HDAC8: variants seen among roughly 807,000 people sequenced by gnomAD.
HDAC8 encodes histone deacetylase-like 1.
A neutral mutation model predicts 32.2 loss-of-function variants in HDAC8; 1 was observed. That is an observed-to-expected ratio of 0.03 (90% CI 0.01 to 0.15). The LOEUF (loss-of-function observed/expected upper bound fraction) is 0.15. Among genes scored for constraint, HDAC8 ranks in the 10% least tolerant of loss-of-function variants. HDAC8 has a pLI of 1.00. For missense variants in HDAC8, 117 were observed against 300.0 expected, an observed-to-expected ratio of 0.39 and a Z score of 4.51; for synonymous variants, 108 against 113.9, an observed-to-expected ratio of 0.95 and a Z score of 0.33.
At chrX:72,386,108 C>T (rs191011459) in intron 9 of HDAC8, among the ~76,000 whole-genome samples, 1 of 112,041 alleles carries the variant, frequency 8.9e-6, no homozygotes, top group Admixed American at 9.5e-5. Flanking sequence ...CACAGAATAT[C>T]CACAGGATGA....
intron 9 of HDAC8, among the ~76,000 whole-genome samples, chrX:72,432,702 C>T (rs2147953815): frequency 9.0e-6 from 1 of 111,079 alleles, no homozygotes; most frequent in African/African-American, 3.3e-5. Context: ...TCCTTTATGG[C>T]ACTTATTACA....
chrX:72,572,297 A>G (rs1429917009), intron 1 of HDAC8, 188 bp from the exon 2 acceptor site: 2 of 441,813 alleles, frequency 4.5e-6, no homozygotes, highest in Admixed American at 9.1e-5. Context: ...TATCAAAATC[A>G]CTAAGGTGAA....
chrX:72,515,651 A>C (rs2049781803), intron 4 of HDAC8, among the ~76,000 whole-genome samples: 1 of 110,108 alleles, frequency 9.1e-6, no homozygotes. Context: ...CAACCAAATA[A>C]GAAAACAGCC....
At chrX:72,469,910 A>C (rs2048118879) in intron 7 of HDAC8, among the ~76,000 whole-genome samples, 1 of 110,808 alleles carries the variant, frequency 9.0e-6, no homozygotes. Context: ...GCACTTTGGG[A>C]GGCCGAGGCG....
chrX:72,559,984 T>TG (rs1363714980), intron 4 of HDAC8, among the ~76,000 whole-genome samples: 2 of 106,917 alleles, frequency 1.9e-5, no homozygotes, highest in African/African-American at 6.9e-5. Flanking sequence ...GTCTGGGAGG[T>TG]GGGGGGCGCC....
chrX:72,464,188 T>C (rs782197681), intron 8 of HDAC8, among the ~76,000 whole-genome samples: 8 of 111,835 alleles, frequency 7.2e-5, no homozygotes, highest in Non-Finnish European at 1.5e-4. Flanking sequence ...CAGTGACATG[T>C]TCCCAAAAGA....
At chrX:72,422,945 G>A (rs1316229347) in intron 9 of HDAC8, among the ~76,000 whole-genome samples, 1 of 111,652 alleles carries the variant, frequency 9.0e-6, no homozygotes, top group East Asian at 2.8e-4. Context: ...CTTCAATACT[G>A]TTGCTGAGCC....
chrX:72,369,084 C>A (rs2044789605), intron 9 of HDAC8, among the ~76,000 whole-genome samples: 1 of 110,990 alleles, frequency 9.0e-6, no homozygotes, highest in Non-Finnish European at 1.9e-5. Context: ...CACGAAAACA[C>A]GAGTTGGAAA....
rs782564495 is a variant in HDAC8 at position 72,428,805 on chromosome X, C to G, written c.1005+33199G>C. Among the ~76,000 whole-genome samples, 3 of 111,767 alleles carry G rather than the reference C, an allele frequency of 2.7e-5. No homozygotes were observed. In the East Asian group the frequency reaches 8.4e-4, roughly 31 times the overall value. ...CTCTTGTCCAAGCATCTTCACTGCTCTTCCCTTGCTCTCCTATCCTACTCA... is the reference window on the plus strand; with the variant it reads ...CTCTTGTCCAAGCATCTTCACTGCTGTTCCCTTGCTCTCCTATCCTACTCA... On this transcript the variant is annotated intron_variant, in intron 9 of 10. Transcript: ENST00000373573.
intron 4 of HDAC8, among the ~76,000 whole-genome samples, chrX:72,523,221 C>T (rs1556029821): frequency 8.9e-6 from 1 of 111,857 alleles, no homozygotes; most frequent in Non-Finnish European, 1.9e-5. Context: ...TACATTCCCA[C>T]CAATAAATAT....
rs782269061 is a variant in HDAC8, at chrX:72,448,961, G to A, written c.1005+13043C>T. ...GGAGAGGATGTGGAGAAATAGGAACGTTTTCACACTGTTGGTGGGAGTGTT... is the reference window on the plus strand; with the variant it reads ...GGAGAGGATGTGGAGAAATAGGAACATTTTCACACTGTTGGTGGGAGTGTT... On this transcript the variant is annotated intron_variant, in intron 9 of 10. Transcript: ENST00000373573. Among the ~76,000 whole-genome samples, 4 of 112,201 alleles carry A rather than the reference G, an allele frequency of 3.6e-5. No individual in the cohort carries two copies. The East Asian group carries it at 1.1e-3, about 32-fold the overall frequency.
At chrX:72,404,879 A>T (rs1351764917) in intron 9 of HDAC8, among the ~76,000 whole-genome samples, 1 of 110,943 alleles carries the variant, frequency 9.0e-6, no homozygotes, top group African/African-American at 3.3e-5. Context: ...GGAATTTCTT[A>T]GGCCTGAATC....
chrX:72,565,277 C>A (rs2051736944), intron 4 of HDAC8, among the ~76,000 whole-genome samples: 1 of 111,997 alleles, frequency 8.9e-6, no homozygotes, highest in Non-Finnish European at 1.9e-5. Flanking sequence ...GAAGTTTAAG[C>A]AAATATTGTG....
intron 9 of HDAC8, among the ~76,000 whole-genome samples, chrX:72,385,254 A>C (rs2045391557): frequency 9.0e-6 from 1 of 111,388 alleles, no homozygotes; most frequent in African/African-American, 3.3e-5. Flanking sequence ...ACTTGAGGCC[A>C]CCAGTTTTAG....
chrX:72,329,792 T>G lies in HDAC8; in HGVS notation c.*262A>C. On this transcript the variant is annotated 3_prime_UTR_variant, in exon 11 of 11. Transcript: ENST00000373573. The stretch of plus-strand genomic sequence containing the variant: ...AATTTTCAAAGATTAAAAATTTCAT[T>G]TGTGTGTGTGTGTTTTTTTAAATAA... 9.1e-7 allele frequency: 1 copy of G among 1,094,195 alleles called. No individual in the cohort carries two copies. Among genetic ancestry groups the G allele is most frequent in the Non-Finnish European group, 1.2e-6 (1 of 809,905 alleles). The allele number at this position is 1,094,195 out of a possible 1,213,427, so 90.2% of individuals were successfully genotyped here. A position where few individuals can be genotyped will look rare whatever the true frequency, so the allele number is the denominator to read the frequency against.
At chrX:72,417,137 GA>G (rs1555972058) in intron 9 of HDAC8, among the ~76,000 whole-genome samples, 1 of 110,982 alleles carries the variant, frequency 9.0e-6, no homozygotes, top group Non-Finnish European at 1.9e-5. Flanking sequence ...TACTTCATGG[GA>G]AAAAGCTGGA....
chrX:72,383,160 A>G (rs1481432396), intron 9 of HDAC8, among the ~76,000 whole-genome samples: 1 of 112,441 alleles, frequency 8.9e-6, no homozygotes, highest in Non-Finnish European at 1.9e-5. Context: ...CTGGGGATAC[A>G]GCATTAAGAA....
intron 10 of HDAC8, among the ~76,000 whole-genome samples, chrX:72,344,989 C>T (rs1047647745): frequency 9.0e-6 from 1 of 111,373 alleles, no homozygotes; most frequent in Non-Finnish European, 1.9e-5. Flanking sequence ...CTGCAATCGG[C>T]CCCCCATCCC....
intron 9 of HDAC8, among the ~76,000 whole-genome samples, chrX:72,427,143 A>G (rs2046662600): frequency 9.0e-6 from 1 of 111,177 alleles, no homozygotes. Flanking sequence ...ATAATAAGAA[A>G]TACATTTTGA....
Sources: allele counts gnomAD v4.1 joint callset (sites outside exome capture counted in the v4.1 genomes callset), GRCh38; gene constraint gnomAD v4.1.1; transcripts MANE v1.5; gene names NCBI Gene and HGNC (gene_info 2026-07-23, HGNC 2026-07-21).